ZNG1F: variants seen among roughly 807,000 people sequenced by gnomAD.
ZNG1F encodes zinc-regulated GTPase metalloprotein activator 1F.
chr9:41,139,289 G>C, the ZNG1F span, among the ~76,000 whole-genome samples: 1 of 143,452 alleles, frequency 7.0e-6, no homozygotes, highest in Non-Finnish European at 1.5e-5. Context: ...CTCCAGGCTG[G>C]TACTGGGGGG....
the ZNG1F span, chr9:41,171,710 C>A: frequency 3.7e-6 from 1 of 270,638 alleles, no homozygotes; most frequent in South Asian, 2.6e-5. Flanking sequence ...AAGATGGTGC[C>A]ACTGCACTCC....
chr9:41,154,475 G>A, the ZNG1F span, among the ~76,000 whole-genome samples: 1 of 139,664 alleles, frequency 7.2e-6, no homozygotes, highest in Non-Finnish European at 1.6e-5. Flanking sequence ...AGCTACCAAT[G>A]ACTTTCTTCA....
chr9:41,158,293 G>A, the ZNG1F span: 1 of 132,208 alleles, frequency 7.6e-6, no homozygotes, highest in Non-Finnish European at 1.6e-5. Context: ...CAACTTGGGG[G>A]ACAGAGTGAG....
the ZNG1F span, among the ~76,000 whole-genome samples, chr9:41,193,768 C>T: frequency 1.3e-5 from 2 of 151,640 alleles, 1 homozygote; most frequent in Non-Finnish European, 2.9e-5. Context: ...GGTGTGGTGG[C>T]ACACGCCTGT....
the ZNG1F span, chr9:41,183,807 G>T: frequency 2.6e-5 from 35 of 1,353,506 alleles, 1 homozygote; most frequent in South Asian, 4.7e-4. Flanking sequence ...CTTTATTCAT[G>T]CAGCCTTGAT....
the ZNG1F span, among the ~76,000 whole-genome samples, chr9:41,142,853 AAAAAAC>A: frequency 7.0e-5 from 7 of 100,658 alleles, 2 homozygotes; most frequent in African/African-American, 2.3e-4. Flanking sequence ...GAAAAAACCA[AAAAAAC>A]AAAAACAAAA....
chr9:41,150,273 A>G, the ZNG1F span, among the ~76,000 whole-genome samples: 1 of 150,032 alleles, frequency 6.7e-6, no homozygotes, highest in East Asian at 2.0e-4. Context: ...ACGGGCTTAA[A>G]AAACCGCGCA....
At chr9:41,180,691 C>CAT in the ZNG1F span, among the ~76,000 whole-genome samples, 550 of 110,680 alleles carry the variant, frequency 5.0e-3, no homozygotes, top group South Asian at 0.013. Context: ...TGTGCATGTG[C>CAT]GTGTGTGTGT....
chr9:41,183,671 T>A, the ZNG1F span: 2 of 1,606,182 alleles, frequency 1.2e-6, no homozygotes, highest in Non-Finnish European at 1.7e-6. Context: ...CTAGAATAAA[T>A]AACAAACAAT....
At chr9:41,141,340 G>A in the ZNG1F span, among the ~76,000 whole-genome samples, 1 of 149,766 alleles carries the variant, frequency 6.7e-6, no homozygotes, top group Non-Finnish European at 1.5e-5. Context: ...TCCAAACCCA[G>A]GTGTTCCTTA....
At chr9:41,185,999 C>T in the ZNG1F span, 1 of 117,514 alleles carries the variant, frequency 8.5e-6, no homozygotes, top group Admixed American at 1.8e-4. Context: ...TTACCTTCCC[C>T]AGATTCATTT....
chr9:41,200,771 C>T, the ZNG1F span, among the ~76,000 whole-genome samples: 2 of 152,202 alleles, frequency 1.3e-5, no homozygotes, highest in African/African-American at 2.4e-5. Flanking sequence ...AGGCACATCT[C>T]ACATGGAACC....
At chr9:41,166,506 A>G in the ZNG1F span, among the ~76,000 whole-genome samples, 5 of 142,096 alleles carry the variant, frequency 3.5e-5, no homozygotes, top group Admixed American at 1.5e-4. Flanking sequence ...TTGTATAACA[A>G]GAAAATATTT....
At chr9:41,187,547 A>G in the ZNG1F span, among the ~76,000 whole-genome samples, 1 of 148,624 alleles carries the variant, frequency 6.7e-6, no homozygotes, top group East Asian at 2.0e-4. Context: ...ACCCATAGGG[A>G]CGCCACTGAA....
the ZNG1F span, among the ~76,000 whole-genome samples, chr9:41,141,075 G>T: frequency 4.7e-5 from 7 of 149,522 alleles, no homozygotes. Flanking sequence ...AAATATTTTT[G>T]ACTTAATATT....
chr9:41,174,566 CTTG>C, the ZNG1F span, among the ~76,000 whole-genome samples: 1 of 113,492 alleles, frequency 8.8e-6, no homozygotes, highest in Non-Finnish European at 1.8e-5. Context: ...TTCCATCTCT[CTTG>C]TTATTTCCTT....
the ZNG1F span, among the ~76,000 whole-genome samples, chr9:41,169,372 A>AT: frequency 8.4e-3 from 1,262 of 150,804 alleles, no homozygotes; most frequent in African/African-American, 0.027. Context: ...TTCCACCTGT[A>AT]TAAGTAAATG....
chr9:41,193,325 C>T, the ZNG1F span, among the ~76,000 whole-genome samples: 3 of 134,246 alleles, frequency 2.2e-5, no homozygotes, highest in Non-Finnish European at 3.2e-5. Flanking sequence ...CAAATGTCTA[C>T]AAGTTTGAAA....
chr9:41,173,158 GATTTAA>G, the ZNG1F span, among the ~76,000 whole-genome samples: 8 of 148,146 alleles, frequency 5.4e-5, no homozygotes, highest in African/African-American at 1.7e-4. Context: ...CTTTTCTTAA[GATTTAA>G]ATTATTGCCT....
Sources: allele counts gnomAD v4.1 joint callset (sites outside exome capture counted in the v4.1 genomes callset), GRCh38; gene constraint gnomAD v4.1.1; transcripts MANE v1.5; gene names NCBI Gene and HGNC (gene_info 2026-07-23, HGNC 2026-07-21).